The following RBFOX3 variants were observed in gnomAD, a reference collection of about 807,000 sequenced individuals.
RBFOX3 encodes RNA binding protein fox-1 homolog 3.
Under a neutral mutation model 48.7 loss-of-function variants are expected in RBFOX3, and 17 were observed. That is an observed-to-expected ratio of 0.35 (90% CI 0.24 to 0.52). The LOEUF (loss-of-function observed/expected upper bound fraction) is 0.52. Ranked by LOEUF, RBFOX3 falls within the 20% of genes least tolerant of loss-of-function variation. The probability of loss-of-function intolerance (pLI) is 0.94; values close to 1 mark genes in which losing one functional copy is unlikely to be tolerated. For synonymous variants in RBFOX3, 212 were observed against 209.5 expected (o/e 1.01, Z -0.10); for missense variants, 382 against 497.5 (o/e 0.77, Z 2.21).
At chr17:79,641,339 T>C in the RBFOX3 span, among the ~76,000 whole-genome samples, 1 of 152,226 alleles carries the variant, frequency 6.6e-6, no homozygotes, top group East Asian at 1.9e-4. Flanking sequence ...GGAAACCTTG[T>C]ACATTGTTGG....
chr17:79,601,107 G>C (rs922517135), intron 1 of RBFOX3: 1 of 152,274 alleles, frequency 6.6e-6, no homozygotes, highest in Non-Finnish European at 1.5e-5. Context: ...GCAGCCTCGA[G>C]GGGCCCCGGC....
chr17:79,296,038 G>C (rs1175161392), intron 3 of RBFOX3, among the ~76,000 whole-genome samples: 1 of 152,046 alleles, frequency 6.6e-6, no homozygotes, highest in Admixed American at 6.5e-5. Flanking sequence ...CTGGGCTTGG[G>C]GGAGGGGTGT....
At chr17:79,153,354 C>T (rs893378856) in intron 4 of RBFOX3, among the ~76,000 whole-genome samples, 5 of 152,234 alleles carry the variant, frequency 3.3e-5, no homozygotes, top group African/African-American at 9.6e-5. Flanking sequence ...GAACTTCATG[C>T]CTCATTGAGA....
intron 1 of RBFOX3, among the ~76,000 whole-genome samples, chr17:79,553,978 C>G (rs1409449435): frequency 6.6e-6 from 1 of 152,306 alleles, no homozygotes; most frequent in East Asian, 1.9e-4. Context: ...AGGCAATCCA[C>G]CCGCCTCGGC....
intron 2 of RBFOX3, among the ~76,000 whole-genome samples, chr17:79,430,576 T>G (rs1422404748): frequency 6.6e-6 from 1 of 152,246 alleles, no homozygotes; most frequent in Non-Finnish European, 1.5e-5. Context: ...AGACAGAGTC[T>G]CACTGTGTCA....
intron 1 of RBFOX3, among the ~76,000 whole-genome samples, chr17:79,485,566 C>G (rs35489654): frequency 6.6e-6 from 1 of 152,012 alleles, no homozygotes; most frequent in African/African-American, 2.4e-5. Flanking sequence ...CACATCCCCC[C>G]AGAGGCTGAG....
rs2075338365 is a variant in RBFOX3 at position 79,096,700 on chromosome 17, C to T, written c.889G>A (p.Ala297Thr). Residue 297 changes from alanine to threonine, a missense_variant, in exon 12 of 15, where the codon GCT becomes ACT. By Grantham distance (58) the Ala-to-Thr change is moderately conservative (BLOSUM62 0). This residue lies in a region of RBFOX3 where 215 missense variants were observed against 254.8 expected (regional missense o/e 0.84). Coordinates refer to ENST00000693108, the MANE Select transcript of RBFOX3 (RefSeq NM_001350451.2). ...PAFPPLSCPFASRVVYQDGFY... is the reference protein window; with the variant it reads ...PAFPPLSCPFTSRVVYQDGFY... ...CCATCCTGATACACGACCCTGGAAG[C>T]AAACGGACAAGAAAGTGGTGGGAAC... is the stretch of plus-strand genomic sequence containing the variant. 6.4e-7 allele frequency: 1 copy of T among 1,551,398 alleles called. No homozygotes were observed. The highest frequency in any genetic ancestry group is 8.7e-7 in the Non-Finnish European group (1 of 1,146,926).
At chr17:79,415,985 C>A (rs2065288056) in intron 2 of RBFOX3, among the ~76,000 whole-genome samples, 1 of 152,164 alleles carries the variant, frequency 6.6e-6, no homozygotes, top group South Asian at 2.1e-4. Flanking sequence ...TGACATGGGC[C>A]CCAGAATTCC....
the RBFOX3 span, among the ~76,000 whole-genome samples, chr17:79,630,504 C>A: frequency 3.5e-4 from 54 of 152,236 alleles, no homozygotes; most frequent in Admixed American, 3.5e-3. Flanking sequence ...ACAGTCCTTT[C>A]CAGATTCAAG....
At chr17:79,538,977 C>T (rs1049056804) in intron 1 of RBFOX3, among the ~76,000 whole-genome samples, 13 of 152,180 alleles carry the variant, frequency 8.5e-5, no homozygotes, top group East Asian at 3.9e-4. Context: ...AGTAAACACA[C>T]GAAAAATACT....
In RBFOX3 at chr17:79,477,500, G is replaced by A. The variant is rs1487551484; in HGVS notation, c.-175+4954C>T. 1.3e-5 allele frequency among the ~76,000 whole-genome samples: 2 copies of A among 151,972 alleles called. No individual in the cohort carries two copies. Among genetic ancestry groups the A allele is most frequent in the Admixed American group, 1.3e-4 (2 of 15,266 alleles). ...GAACCCGGGAGGCGGAGTTTGCAGT[G>A]AGCTGAGATCGCCCCATCGCACTCC... On this transcript the variant is annotated intron_variant, in intron 2 of 14. Coordinates refer to ENST00000693108, the MANE Select transcript of RBFOX3 (RefSeq NM_001350451.2). This position sits in a 1 kb window ranked among gnomAD's most constrained non-coding sequence, Gnocchi z 4.8.
At chr17:79,388,500 C>T (rs2060889983) in intron 2 of RBFOX3, among the ~76,000 whole-genome samples, 1 of 152,226 alleles carries the variant, frequency 6.6e-6, no homozygotes, top group African/African-American at 2.4e-5. Context: ...ATGCGCCTTA[C>T]TTAGTCACCA....
rs184762605 is a variant in RBFOX3, at chr17:79,447,333, C to T, written c.-175+35121G>A. Among the ~76,000 whole-genome samples the T allele has an allele frequency of 4.6e-5, 7 of 152,316 alleles. No individual in the cohort carries two copies. In the East Asian group the frequency reaches 1.4e-3, roughly 29 times the overall value. On this transcript the variant is annotated intron_variant, in intron 2 of 14. Coordinates refer to ENST00000693108, the MANE Select transcript of RBFOX3 (RefSeq NM_001350451.2). ...CGCAGGGAAATTAAATGTGCAGCCT[C>T]ATCCATCCAGCCACCTCACTGCACA...
chr17:79,550,551 A>G (rs1872433073), intron 1 of RBFOX3, among the ~76,000 whole-genome samples: 1 of 152,232 alleles, frequency 6.6e-6, no homozygotes, highest in South Asian at 2.1e-4. Flanking sequence ...ACTACATGCT[A>G]TAATCATTTA....
chr17:79,567,087 A>G (rs1395384279), intron 1 of RBFOX3, among the ~76,000 whole-genome samples: 2 of 151,296 alleles, frequency 1.3e-5, no homozygotes, highest in Non-Finnish European at 2.9e-5. Context: ...TCTCCTTCCC[A>G]GCCTCAGAAT....
At chr17:79,263,163 A>AC (rs547316781) in intron 3 of RBFOX3, among the ~76,000 whole-genome samples, 3 of 151,732 alleles carry the variant, frequency 2.0e-5, no homozygotes, top group South Asian at 2.1e-4. Flanking sequence ...ATGCTGGGGT[A>AC]CCCCCCCGGC....
chr17:79,459,288 T>A (rs1487678317), intron 2 of RBFOX3, among the ~76,000 whole-genome samples: 3 of 152,126 alleles, frequency 2.0e-5, no homozygotes, highest in Non-Finnish European at 4.4e-5. Flanking sequence ...GCTCTTCCAC[T>A]AGCTGGTGCT....
intron 2 of RBFOX3, among the ~76,000 whole-genome samples, chr17:79,478,311 G>A (rs940002914): frequency 1.3e-5 from 2 of 152,230 alleles, no homozygotes; most frequent in Admixed American, 6.5e-5. Flanking sequence ...GAGGGTGGGG[G>A]CCGGGGTGGA....
At chr17:79,094,279 C>T (rs111575648) in intron 14 of RBFOX3, 172 bp downstream of exon 14, 34,980 of 498,238 alleles carry the variant, frequency 0.07, 1,565 homozygotes, top group Middle Eastern at 0.093. Context: ...ACTGAGAGGG[C>T]GTGAGGGGCC....
Sources: gnomAD v4.1 joint callset for allele counts (sites outside exome capture counted in the v4.1 genomes callset) on GRCh38, gnomAD v4.1.1 for gene constraint, gnomAD v4.1.1 regional missense constraint, Gnocchi (gnomAD v3.1) non-coding constraint, MANE v1.5 for transcripts, NCBI Gene and HGNC (gene_info 2026-07-23, HGNC 2026-07-21) for gene names.